Variants in GSPT1 observed in about 807,000 individuals in gnomAD.
GSPT1 encodes G1 to S phase transition 1.
In GSPT1, 20 loss-of-function variants were observed where a neutral mutation model predicts 72.5. That is an observed-to-expected ratio of 0.28 (90% CI 0.19 to 0.40). The LOEUF (loss-of-function observed/expected upper bound fraction) is 0.40, where lower values mean the gene tolerates loss of function less well. Ranked by LOEUF, GSPT1 falls within the 10% of genes least tolerant of loss-of-function variation. The pLI, the probability that GSPT1 is intolerant of heterozygous loss-of-function variation, is 1.00. For synonymous variants in GSPT1, 334 were observed against 293.5 expected, an observed-to-expected ratio of 1.14 and a Z score of -1.41; for missense variants, 580 against 811.9, an observed-to-expected ratio of 0.71 and a Z score of 3.47.
rs550938128 is a variant in GSPT1 at position 11,877,673 on chromosome 16, T to C, written c.1429-93A>G. The C allele has an allele frequency of 4.8e-5, 35 of 731,550 alleles. No individual in the cohort carries two copies. The African/African-American group carries it at 5.1e-4, about 11-fold the overall frequency. The allele number at this position is 731,550 out of a possible 1,614,324, so 45.3% of individuals were successfully genotyped here. A position where few individuals can be genotyped will look rare whatever the true frequency, so the allele number is the denominator to read the frequency against. ...GAATGTCTGTCTGCTCAATAAAGAG[T>C]TGCAAGATTTGACTGTAAACACTTA... On this transcript the variant is annotated intron_variant, in intron 11 of 14. Coordinates refer to ENST00000434724, the MANE Select transcript of GSPT1 (RefSeq NM_002094.4). This position sits in a 1 kb window ranked among gnomAD's most constrained non-coding sequence, Gnocchi z 4.0.
At chr16:11,900,326 G>A (rs779507906) in intron 1 of GSPT1, among the ~76,000 whole-genome samples, 84 of 53,364 alleles carry the variant, frequency 1.6e-3, no homozygotes, top group Admixed American at 2.6e-3. Flanking sequence ...ATGAAACTCC[G>A]TCTCAAAAAA....
intron 7 of GSPT1, 26 bp downstream of exon 7, chr16:11,887,544 A>T (rs1371912671): frequency 1.3e-6 from 2 of 1,592,524 alleles, no homozygotes; most frequent in Non-Finnish European, 1.7e-6. Flanking sequence ...ACAAATATAC[A>T]GATGGACTGG....
rs1031806767 is a variant in GSPT1, at chr16:11,869,680, C to A, written c.*3439G>T. 2.6e-5 allele frequency: 4 copies of A among 152,174 alleles called. No individual in the cohort carries two copies. Among genetic ancestry groups the A allele is most frequent in the Non-Finnish European group, 2.9e-5 (2 of 68,040 alleles). 9.4% of individuals were successfully genotyped at this position (152,174 alleles called of 1,614,324 possible). A position where few individuals can be genotyped will look rare whatever the true frequency, so the allele number is the denominator to read the frequency against. On this transcript the variant is annotated 3_prime_UTR_variant, in exon 15 of 15. Coordinates refer to ENST00000434724, the MANE Select transcript of GSPT1 (RefSeq NM_002094.4). ...TACCCAAAGCAATGAAGCTATCATCCATGAAGTAGCAGTCCATGAGGAAGT... is the reference window on the plus strand; with the variant it reads ...TACCCAAAGCAATGAAGCTATCATCAATGAAGTAGCAGTCCATGAGGAAGT...
intron 14 of GSPT1, among the ~76,000 whole-genome samples, chr16:11,875,314 T>C (rs780880074): frequency 1.3e-5 from 2 of 152,152 alleles, no homozygotes; most frequent in Non-Finnish European, 2.9e-5. Flanking sequence ...AAGAACTTCA[T>C]GACCCCAAGA....
At chr16:11,900,151 T>G (rs1045858026) in intron 1 of GSPT1, among the ~76,000 whole-genome samples, 2 of 151,842 alleles carry the variant, frequency 1.3e-5, no homozygotes, top group South Asian at 4.1e-4. Flanking sequence ...CCGGCCAACA[T>G]GGCAAAACCC....
intron 3 of GSPT1, 93 bp from the exon 4 acceptor site, chr16:11,896,878 CA>C (rs2054346967): frequency 1.2e-6 from 1 of 825,442 alleles, no homozygotes. Flanking sequence ...TGGAAGTTTG[CA>C]TATGTAGTTC....
In GSPT1 at chr16:11,908,684, C is replaced by T. The variant is rs1446746159; in HGVS notation, c.352+6685G>A. 8.9e-5 allele frequency: 6 copies of T among 67,074 alleles called. 1 individual carries two copies. Among genetic ancestry groups the T allele is most frequent in the African/African-American group, 4.9e-4 (5 of 10,160 alleles). 4.2% of individuals were successfully genotyped at this position (67,074 alleles called of 1,614,324 possible). A position where few individuals can be genotyped will look rare whatever the true frequency, so the allele number is the denominator to read the frequency against. On this transcript the variant is annotated intron_variant, in intron 1 of 14. Coordinates refer to ENST00000434724, the MANE Select transcript of GSPT1 (RefSeq NM_002094.4). ...CTGAGGCGGGAGAATGGCGTGAACC[C>T]GGGAGGCGGAGCTTGCAGTGAGCCG...
In GSPT1 at chr16:11,915,301, G is replaced by A. The variant is rs573874431; in HGVS notation, c.352+68C>T. ...CGGGCCCCAGGGCCGCGCGCCCCCG[G>A]ACCGCACCCCTACGCCATGTGGGCT... is the stretch of plus-strand genomic sequence containing the variant. On this transcript the variant is annotated intron_variant, in intron 1 of 14. Coordinates refer to ENST00000434724, the MANE Select transcript of GSPT1 (RefSeq NM_002094.4). The A allele has an allele frequency of 4.5e-3, 6,072 of 1,350,228 alleles. 50 individuals are homozygous for A. Among genetic ancestry groups the A allele is most frequent in the Admixed American group, 5.7e-3 (139 of 24,408 alleles). 83.6% of individuals were successfully genotyped at this position (1,350,228 alleles called of 1,614,324 possible).
chr16:11,878,631 A>G (rs1172899209), intron 11 of GSPT1, among the ~76,000 whole-genome samples: 1 of 152,084 alleles, frequency 6.6e-6, no homozygotes, highest in East Asian at 1.9e-4. Context: ...ATGTAAAAAT[A>G]AAATAGTTAT....
intron 1 of GSPT1, among the ~76,000 whole-genome samples, chr16:11,905,497 G>C (rs2054477443): frequency 6.6e-6 from 1 of 152,054 alleles, no homozygotes; most frequent in African/African-American, 2.4e-5. Context: ...AAGGGCTAAT[G>C]ATCACTCCCC....
chr16:11,888,725 G>A (rs2054215666), intron 6 of GSPT1, among the ~76,000 whole-genome samples: 1 of 152,096 alleles, frequency 6.6e-6, no homozygotes, highest in Non-Finnish European at 1.5e-5. Flanking sequence ...TCGCGCCACT[G>A]CACTCCAGCC....
chr16:11,896,767 T>G lies in GSPT1; in HGVS notation c.455A>C (p.Glu152Ala). The stretch of plus-strand genomic sequence containing the variant: ...CTCCCATGATTCTTCTGGAGACATT[T>G]CTGTCTCTCCATTTTCTACTGAAGA... ...SEPIVENGET[E>A]MSPEESWEHK... is the part of the protein sequence containing the mutation. Residue 152 changes from glutamate (E) to alanine (A), a missense_variant, in exon 4 of 15, where the codon GAA becomes GCA. Glu to Ala is a moderately radical substitution (Grantham distance 107). Transcript: ENST00000434724. 1 of 1,582,076 alleles carries G rather than the reference T, an allele frequency of 6.3e-7. No homozygotes were observed. Among genetic ancestry groups the G allele is most frequent in the Non-Finnish European group, 8.6e-7 (1 of 1,160,738 alleles).
intron 4 of GSPT1, among the ~76,000 whole-genome samples, chr16:11,896,027 T>C (rs1327155678): frequency 6.6e-6 from 1 of 152,194 alleles, no homozygotes; most frequent in Non-Finnish European, 1.5e-5. Context: ...GACACATAAT[T>C]CTGTATTTTT....
intron 1 of GSPT1, chr16:11,904,027 C>A: frequency 4.5e-6 from 1 of 222,806 alleles, no homozygotes; most frequent in South Asian, 7.9e-5. Context: ...ACACCAAACT[C>A]ATACAAAGCT....
At chr16:11,911,180 T>C (rs1436289123) in intron 1 of GSPT1, among the ~76,000 whole-genome samples, 2 of 152,214 alleles carry the variant, frequency 1.3e-5, no homozygotes, top group Non-Finnish European at 2.9e-5. Flanking sequence ...CCTCAACAGA[T>C]AGAATTTAAC....
chr16:11,885,229 A>G lies in GSPT1; in HGVS notation c.1299T>C (p.Asn433=). Residue 433 remains asparagine, a synonymous_variant, in exon 10 of 15, where the codon AAT becomes AAC. Transcript: ENST00000434724. ...GCCTGATTGGTCCATCAACTGATCT[A>G]TTGAAGTTCGGCAAATTATCCAGAT... is the stretch of plus-strand genomic sequence containing the variant. ...IPYLDNLPNF[N]RSVDGPIRLP... is the part of the protein sequence containing the mutation. 1 of 1,600,042 alleles carries G rather than the reference A, an allele frequency of 6.2e-7. No individual in the cohort carries two copies. Among genetic ancestry groups the G allele is most frequent in the Non-Finnish European group, 8.6e-7 (1 of 1,167,326 alleles).
chr16:11,887,795 G>C, intron 6 of GSPT1, 45 bp from the exon 7 acceptor site: 1 of 1,251,586 alleles, frequency 8.0e-7, no homozygotes, highest in Non-Finnish European at 1.1e-6. Context: ...AAGAACATCA[G>C]AGTTTTTAGG....
intron 8 of GSPT1, 71 bp downstream of exon 8, chr16:11,886,706 G>A (rs1316355257): frequency 5.1e-6 from 8 of 1,554,806 alleles, no homozygotes; most frequent in Non-Finnish European, 4.4e-6. Context: ...AAAAACCCTA[G>A]AGAAAAAGTC....
intron 1 of GSPT1, among the ~76,000 whole-genome samples, chr16:11,911,454 T>C (rs1204706884): frequency 1.3e-5 from 2 of 152,086 alleles, no homozygotes; most frequent in Non-Finnish European, 2.9e-5. Flanking sequence ...GGTGCCATCA[T>C]AGCTCACTGC....
Sources: allele counts gnomAD v4.1 joint callset (sites outside exome capture counted in the v4.1 genomes callset), GRCh38; gene constraint gnomAD v4.1.1; non-coding constraint Gnocchi (gnomAD v3.1); transcripts MANE v1.5; gene names NCBI Gene and HGNC (gene_info 2026-07-23, HGNC 2026-07-21).